The following MIA3 variants were observed in gnomAD, a reference collection of about 807,000 sequenced individuals.
MIA3 encodes transport and Golgi organization protein 1 homolog.
In MIA3, 90 loss-of-function variants were observed where a neutral mutation model predicts 192.4. The observed-to-expected ratio is 0.47, with a 90% CI of 0.39 to 0.56. The LOEUF (loss-of-function observed/expected upper bound fraction) is 0.56. MIA3 is among the 20% of genes least tolerant of loss of function. MIA3 has a pLI of 0.00. For missense variants in MIA3, 2,123 were observed against 2,269.4 expected, an observed-to-expected ratio of 0.94 and a Z score of 1.31; for synonymous variants, 740 against 792.8, an observed-to-expected ratio of 0.93 and a Z score of 1.12.
At position 222,650,351 on chromosome 1, in the gene MIA3, G is replaced by A; in HGVS notation, c.3691G>A (p.Val1231Ile). ...TATCATGAAAGAAAATACAGAACTT[G>A]TACAAAAATTGTCAAATTATGAACA... Reference protein sequence around the residue: ...KTIMKENTELVQKLSNYEQKI... With the variant: ...KTIMKENTELIQKLSNYEQKI... The change falls in exon 9 of 28, where the codon GTA (valine) becomes ATA (isoleucine). Residue 1231 changes from valine (V) to isoleucine (I), a missense_variant. Val to Ile is a conservative substitution (Grantham distance 29). Around this residue, in one of 3 missense-constraint regions of MIA3, gnomAD observed 762 missense variants for 856.4 expected, o/e 0.89. Transcript: ENST00000344922. 1 of 1,598,370 alleles carries A rather than the reference G, an allele frequency of 6.3e-7. No homozygotes were observed. Among genetic ancestry groups the A allele is most frequent in the Non-Finnish European group, 8.6e-7 (1 of 1,169,272 alleles).
chr1:222,625,412 C>T (rs1662068780), intron 3 of MIA3, among the ~76,000 whole-genome samples: 2 of 152,188 alleles, frequency 1.3e-5, no homozygotes, highest in Non-Finnish European at 1.5e-5. Context: ...CAAAAAATTT[C>T]ATTTCACAAG....
At chr1:222,664,374 T>C (rs573918944) in intron 27 of MIA3, among the ~76,000 whole-genome samples, 22 of 152,204 alleles carry the variant, frequency 1.4e-4, no homozygotes, top group Non-Finnish European at 2.5e-4. Context: ...AAGGGGCTAT[T>C]TATAAAAAGC....
chr1:222,647,119 C>T (rs1663185286), intron 7 of MIA3, among the ~76,000 whole-genome samples: 1 of 152,144 alleles, frequency 6.6e-6, no homozygotes, highest in African/African-American at 2.4e-5. Flanking sequence ...TCATCATGTA[C>T]TATTTTACTC....
chr1:222,649,999 T>C (rs571288901), intron 8 of MIA3, among the ~76,000 whole-genome samples: 1 of 152,174 alleles, frequency 6.6e-6, no homozygotes, highest in Admixed American at 6.5e-5. Flanking sequence ...AAGAACTCAG[T>C]CACCATCACA....
At chr1:222,660,409 G>T (rs1558197495) in intron 24 of MIA3, 95 bp downstream of exon 24, 1 of 1,262,734 alleles carries the variant, frequency 7.9e-7, no homozygotes, top group Non-Finnish European at 1.1e-6. Context: ...ATTCGGGTCT[G>T]TCCAGTATAG....
At chr1:222,638,000 T>C (rs892206634) in intron 6 of MIA3, among the ~76,000 whole-genome samples, 4 of 152,150 alleles carry the variant, frequency 2.6e-5, no homozygotes, top group South Asian at 2.1e-4. Context: ...TTATTGATGA[T>C]CAATTTACAA....
intron 2 of MIA3, among the ~76,000 whole-genome samples, chr1:222,621,982 A>AT (rs1283039225): frequency 1.3e-5 from 2 of 151,738 alleles, no homozygotes; most frequent in Non-Finnish European, 2.9e-5. Context: ...AATTTTTTGT[A>AT]TTTTTTTAGT....
chr1:222,643,131 AATAC>A (rs1345392710), intron 6 of MIA3, among the ~76,000 whole-genome samples: 3 of 151,332 alleles, frequency 2.0e-5, no homozygotes, highest in African/African-American at 7.3e-5. Flanking sequence ...CCACTCACAT[AATAC>A]ATAGAGACAG....
intron 18 of MIA3, among the ~76,000 whole-genome samples, chr1:222,655,918 T>TG (rs1225855399): frequency 2.0e-5 from 3 of 151,782 alleles, no homozygotes; most frequent in Non-Finnish European, 4.4e-5. Flanking sequence ...TGTCATCTTT[T>TG]ATGCCAGTCC....
In MIA3 at chr1:222,665,893, G is replaced by A; in HGVS notation, c.*274G>A. The A allele has an allele frequency of 3.4e-6, 1 of 297,502 alleles. No individual in the cohort carries two copies. The highest frequency in any genetic ancestry group is 2.2e-5 in the African/African-American group (1 of 46,426). 18.4% of individuals were successfully genotyped at this position (297,502 alleles called of 1,614,324 possible). A position where few individuals can be genotyped will look rare whatever the true frequency, so the allele number is the denominator to read the frequency against. ...TTTAGCTAATGTAGCATATGTAATT[G>A]CAAAATGATTTAGAATGTCATGAAA... On this transcript the variant is annotated 3_prime_UTR_variant, in exon 28 of 28. Transcript: ENST00000344922.
At chr1:222,653,199 C>G in intron 14 of MIA3, 29 bp from the exon 15 acceptor site, 1 of 1,598,356 alleles carries the variant, frequency 6.3e-7, no homozygotes, top group South Asian at 1.1e-5. Context: ...AATGGAAAGA[C>G]TCTTAATGCC....
intron 6 of MIA3, 77 bp from the exon 7 acceptor site, chr1:222,645,476 GA>G: frequency 2.2e-6 from 3 of 1,343,156 alleles, no homozygotes; most frequent in Non-Finnish European, 3.0e-6. Context: ...GAATTTCTGT[GA>G]ATGAGTCTTT....
chr1:222,639,518 T>C (rs1158010576), intron 6 of MIA3, among the ~76,000 whole-genome samples: 3 of 151,962 alleles, frequency 2.0e-5, no homozygotes, highest in Admixed American at 2.0e-4. Flanking sequence ...AATCCAGCAA[T>C]ATATAAAAAG....
At chr1:222,644,677 A>G in intron 6 of MIA3, 1 of 1,351,400 alleles carries the variant, frequency 7.4e-7, no homozygotes, top group Non-Finnish European at 1.0e-6. Context: ...TGTCTGTGCA[A>G]AGGAGAAATG....
intron 24 of MIA3, among the ~76,000 whole-genome samples, chr1:222,661,767 A>G (rs528020800): frequency 3.3e-5 from 5 of 152,220 alleles, no homozygotes; most frequent in African/African-American, 9.6e-5. Flanking sequence ...GTCAGATTAC[A>G]TATACACTGA....
chr1:222,629,023 A>G lies in MIA3; in HGVS notation c.1803A>G (p.Val601=), dbSNP rs781768994. 1 of 1,614,204 alleles carries G rather than the reference A, an allele frequency of 6.2e-7. No individual in the cohort carries two copies. The highest frequency in any genetic ancestry group is 1.7e-5 in the Admixed American group (1 of 60,022). ...SRDSVEGDAL[V]NGAKLHTLSV... Reference sequence around the variant, plus strand: ...ACAGTGTGGAGGGAGACGCTTTGGTAAATGGGGCCAAACTGCACACGCTTT... The same window carrying G: ...ACAGTGTGGAGGGAGACGCTTTGGTGAATGGGGCCAAACTGCACACGCTTT... The change falls in exon 4 of 28, where the codon GTA becomes GTG. Residue 601 remains valine (V), a synonymous_variant. Coordinates refer to ENST00000344922, the MANE Select transcript of MIA3 (RefSeq NM_198551.4).
chr1:222,644,328 C>T (rs61824281), intron 6 of MIA3: 69,195 of 1,456,770 alleles, frequency 0.047, 1,863 homozygotes, highest in Non-Finnish European at 0.053. Context: ...CGGCATAAAG[C>T]GAAAGTGCAG....
chr1:222,649,844 T>C (rs1393038772), intron 8 of MIA3: 1 of 184,988 alleles, frequency 5.4e-6, no homozygotes, highest in Non-Finnish European at 1.1e-5. Flanking sequence ...ATAGGAAGTA[T>C]AGCGGCATCT....
At chr1:222,660,591 C>G (rs1663961037) in intron 24 of MIA3, 1 of 228,316 alleles carries the variant, frequency 4.4e-6, no homozygotes, top group Non-Finnish European at 8.6e-6. Context: ...TGGGATTCCT[C>G]TCCCAAATAC....
Sources: gnomAD v4.1 joint callset for allele counts (sites outside exome capture counted in the v4.1 genomes callset) on GRCh38, gnomAD v4.1.1 for gene constraint, gnomAD v4.1.1 regional missense constraint, MANE v1.5 for transcripts, NCBI Gene and HGNC (gene_info 2026-07-23, HGNC 2026-07-21) for gene names.